SPRED1: variants seen among roughly 807,000 people sequenced by gnomAD.
SPRED1 encodes the protein sprouty-related, EVH1 domain-containing protein 1.
Under a neutral mutation model 52.3 loss-of-function variants are expected in SPRED1, and 18 were observed. The ratio of observed to expected loss-of-function variants is 0.34; its 90% CI spans 0.24 to 0.51. The LOEUF is 0.51. Among genes scored for constraint, SPRED1 ranks in the 20% least tolerant of loss-of-function variants. The pLI is 0.97. For synonymous variants in SPRED1, 155 were observed against 179.7 expected, an observed-to-expected ratio of 0.86 and a Z score of 1.10; for missense variants, 485 against 551.0, an observed-to-expected ratio of 0.88 and a Z score of 1.20.
intron 2 of SPRED1, among the ~76,000 whole-genome samples, chr15:38,320,230 C>T (rs1184351057): frequency 6.6e-6 from 1 of 152,060 alleles, no homozygotes; most frequent in Non-Finnish European, 1.5e-5. Context: ...TCTAGCAGAC[C>T]TCCCCTCCAA....
chr15:38,288,840 C>T (rs1430535794), intron 1 of SPRED1, among the ~76,000 whole-genome samples: 2 of 151,908 alleles, frequency 1.3e-5, no homozygotes, highest in African/African-American at 4.8e-5. Flanking sequence ...TTATTCAAAG[C>T]CCTAAACTAG....
intron 1 of SPRED1, among the ~76,000 whole-genome samples, chr15:38,255,801 C>T (rs1894082701): frequency 6.6e-6 from 1 of 151,884 alleles, no homozygotes; most frequent in Non-Finnish European, 1.5e-5. Context: ...TCCCTTTTCT[C>T]TTTTTTAAAG....
intron 1 of SPRED1, among the ~76,000 whole-genome samples, chr15:38,285,264 A>C (rs1456891586): frequency 1.3e-5 from 2 of 152,236 alleles, no homozygotes. Flanking sequence ...TGTATTCAAG[A>C]ACAAAACAAA....
intron 1 of SPRED1, among the ~76,000 whole-genome samples, chr15:38,261,714 A>G (rs1394697118): frequency 6.6e-6 from 1 of 152,200 alleles, no homozygotes; most frequent in Non-Finnish European, 1.5e-5. Flanking sequence ...AAAGGCCATT[A>G]TGAACTTGGA....
intron 5 of SPRED1, among the ~76,000 whole-genome samples, chr15:38,348,336 A>G (rs1896183417): frequency 6.6e-6 from 1 of 151,994 alleles, no homozygotes; most frequent in Admixed American, 6.6e-5. Flanking sequence ...GATTCTACTT[A>G]TAAACATAGA....
At chr15:38,273,977 A>G (rs571543758) in intron 1 of SPRED1, among the ~76,000 whole-genome samples, 5 of 152,314 alleles carry the variant, frequency 3.3e-5, no homozygotes, top group South Asian at 4.1e-4. Flanking sequence ...TTCTATTTTG[A>G]CAACCTAGAT....
chr15:38,335,772 C>T (rs1011702117), intron 4 of SPRED1, among the ~76,000 whole-genome samples: 2 of 151,638 alleles, frequency 1.3e-5, no homozygotes, highest in African/African-American at 4.8e-5. Flanking sequence ...AAAAGAAAGG[C>T]AAAACAGGAA....
intron 1 of SPRED1, among the ~76,000 whole-genome samples, chr15:38,285,957 A>G (rs1894798043): frequency 6.6e-6 from 1 of 152,158 alleles, no homozygotes; most frequent in Non-Finnish European, 1.5e-5. Context: ...TAATGTTTTC[A>G]GATCAGGCAG....
At position 38,293,319 on chromosome 15, in the gene SPRED1, C is replaced by T. The variant is rs139167224; in HGVS notation, c.33-6054C>T. On this transcript the variant is annotated intron_variant, in intron 1 of 6. Transcript: ENST00000299084. ...TTCACCATCTTTGCTAGGATGGTTT[C>T]GATCTCTTGACCTCGTGATCCACCT... is the stretch of plus-strand genomic sequence containing the variant. 3.5e-3 allele frequency among the ~76,000 whole-genome samples: 528 copies of T among 151,962 alleles called. 2 individuals are homozygous for T. Among genetic ancestry groups the T allele is most frequent in the East Asian group, 0.023 (120 of 5,152 alleles).
In SPRED1 at chr15:38,356,754, T is replaced by A. The variant is rs1045408728; in HGVS notation, c.*5090T>A. The A allele has an allele frequency of 4.6e-5, 7 of 152,032 alleles. No individual in the cohort carries two copies. The highest frequency in any genetic ancestry group is 2.6e-4 in the Admixed American group (4 of 15,270). 9.4% of individuals were successfully genotyped at this position (152,032 alleles called of 1,614,324 possible). A position where few individuals can be genotyped will look rare whatever the true frequency, so the allele number is the denominator to read the frequency against. The stretch of plus-strand genomic sequence containing the variant: ...TTTAACCCAGGACTACTGATTTTTT[T>A]ATATTCAAGTCAGTTTCATCGTTTT... On this transcript the variant is annotated 3_prime_UTR_variant, in exon 7 of 7. Transcript: ENST00000299084.
Position 38,351,583 on chromosome 15 carries a change from C to T in SPRED1, c.1254C>T (p.Cys418=), listed in dbSNP as rs2141016717. 6.2e-7 allele frequency: 1 copy of T among 1,614,150 alleles called. No individual in the cohort carries two copies. The highest frequency in any genetic ancestry group is 1.3e-5 in the African/African-American group (1 of 75,044). The part of the protein sequence containing the change: ...VALSFIVPCM[C]CYVPLRMCHR... ...TGTCTTTCATTGTACCATGTATGTGCTGCTACGTCCCTTTGAGAATGTGCC... is the reference window on the plus strand; with the variant it reads ...TGTCTTTCATTGTACCATGTATGTGTTGCTACGTCCCTTTGAGAATGTGCC... Residue 418 remains cysteine (C), a synonymous_variant, in exon 7 of 7, where the codon TGC becomes TGT. Transcript: ENST00000299084.
intron 1 of SPRED1, among the ~76,000 whole-genome samples, chr15:38,296,503 C>CT (rs58696106): frequency 0.041 from 6,305 of 152,136 alleles, 443 homozygotes; most frequent in African/African-American, 0.14. Context: ...CAAAATTTGT[C>CT]TTCGTGTGTT....
At chr15:38,296,953 G>T (rs1320325587) in intron 1 of SPRED1, among the ~76,000 whole-genome samples, 1 of 152,018 alleles carries the variant, frequency 6.6e-6, no homozygotes, top group African/African-American at 2.4e-5. Flanking sequence ...TCGCTTTTTG[G>T]CTGTCCACCT....
At chr15:38,279,931 T>C (rs1346123384) in intron 1 of SPRED1, among the ~76,000 whole-genome samples, 1 of 152,174 alleles carries the variant, frequency 6.6e-6, no homozygotes, top group Admixed American at 6.5e-5. Context: ...TAGCATCTTT[T>C]CTTCCTTAAT....
At chr15:38,271,879 A>G (rs908997678) in intron 1 of SPRED1, among the ~76,000 whole-genome samples, 2 of 152,166 alleles carry the variant, frequency 1.3e-5, no homozygotes, top group Non-Finnish European at 2.9e-5. Context: ...ATAGTACCCA[A>G]TAGTTTTTCA....
intron 4 of SPRED1, among the ~76,000 whole-genome samples, chr15:38,333,402 A>C (rs1465843905): frequency 2.6e-5 from 4 of 152,182 alleles, no homozygotes; most frequent in African/African-American, 9.7e-5. Flanking sequence ...ATATTTGTAA[A>C]GCAAAGAAAT....
At chr15:38,260,928 A>G (rs140587991) in intron 1 of SPRED1, among the ~76,000 whole-genome samples, 12 of 152,324 alleles carry the variant, frequency 7.9e-5, no homozygotes, top group African/African-American at 2.9e-4. Context: ...AACAGTTCCA[A>G]AAGAAGAGAA....
intron 2 of SPRED1, among the ~76,000 whole-genome samples, chr15:38,315,263 G>A (rs778406439): frequency 1.3e-5 from 2 of 151,880 alleles, no homozygotes; most frequent in African/African-American, 2.4e-5. Context: ...AAATTTTTAT[G>A]TCTGGTTACC....
At chr15:38,275,379 CT>C (rs1407079742) in intron 1 of SPRED1, among the ~76,000 whole-genome samples, 8 of 152,130 alleles carry the variant, frequency 5.3e-5, no homozygotes, top group Non-Finnish European at 8.8e-5. Flanking sequence ...TCTTGCCCAG[CT>C]TTGGAACCAT....
Sources: allele counts gnomAD v4.1 joint callset (sites outside exome capture counted in the v4.1 genomes callset), GRCh38; gene constraint gnomAD v4.1.1; transcripts MANE v1.5; gene names NCBI Gene and HGNC (gene_info 2026-07-23, HGNC 2026-07-21).